ASB2: variants seen among roughly 807,000 people sequenced by gnomAD.
ASB2 encodes ankyrin repeat and SOCS box containing 2.
In ASB2, 58 loss-of-function variants were observed where a neutral mutation model predicts 62.4. That is an observed-to-expected ratio of 0.93 (90% CI 0.75 to 1.16). The LOEUF is 1.16. Among genes scored for constraint, ASB2 ranks in the 50% most tolerant of loss-of-function variants. ASB2 has a pLI of 0.00. For missense variants in ASB2, 928 were observed against 887.9 expected (o/e 1.05, Z -0.57); for synonymous variants, 386 against 385.3 (o/e 1.00, Z -0.02).
At chr14:93,948,629 G>C (rs533419292) in intron 6 of ASB2, among the ~76,000 whole-genome samples, 1 of 152,002 alleles carries the variant, frequency 6.6e-6, no homozygotes, top group Non-Finnish European at 1.5e-5. Flanking sequence ...ATTACTTTCT[G>C]TCTCCTCCCA....
At chr14:93,943,126 A>G (rs1044850890) in intron 7 of ASB2, among the ~76,000 whole-genome samples, 2 of 152,218 alleles carry the variant, frequency 1.3e-5, no homozygotes, top group Non-Finnish European at 2.9e-5. Flanking sequence ...CCCCAGGTCC[A>G]GGTTACAAAG....
chr14:93,954,499 G>T lies in ASB2; in HGVS notation c.312-16C>A. 1 of 1,613,646 alleles carries T rather than the reference G, an allele frequency of 6.2e-7. No individual in the cohort carries two copies. The highest frequency in any genetic ancestry group is 8.5e-7 in the Non-Finnish European group (1 of 1,179,650). On this transcript the variant is annotated splice_polypyrimidine_tract_variant and intron_variant, in intron 3 of 9. Coordinates refer to ENST00000555019, the MANE Select transcript of ASB2 (RefSeq NM_001202429.2). ...GTCCGCAGGCCTGTGAGAGGAAGGAGTGGGTCAGTCCTCAAGGTCAGGCCA... is the reference window on the plus strand; with the variant it reads ...GTCCGCAGGCCTGTGAGAGGAAGGATTGGGTCAGTCCTCAAGGTCAGGCCA...
At chr14:93,957,759 C>T (rs921501048) in intron 2 of ASB2, among the ~76,000 whole-genome samples, 10 of 152,122 alleles carry the variant, frequency 6.6e-5, no homozygotes, top group Admixed American at 6.5e-5. Flanking sequence ...GTGGAAGAGC[C>T]GGAAGGAGGT....
Position 93,947,480 on chromosome 14 carries a change from G to T in ASB2, c.921C>A (p.Ala307=), listed in dbSNP as rs943904802. 1 of 1,614,212 alleles carries T rather than the reference G, an allele frequency of 6.2e-7. No individual in the cohort carries two copies. Among genetic ancestry groups the T allele is most frequent in the Admixed American group, 1.7e-5 (1 of 60,036 alleles). Residue 307 remains alanine, a synonymous_variant, in exon 7 of 10, where the codon GCC becomes GCA. Coordinates refer to ENST00000555019, the MANE Select transcript of ASB2 (RefSeq NM_001202429.2). ...GCTCATTCTTGCAGGCCTCGTAGAGGGCAGACGCGTTGTCGCTGGCCTGCG... is the reference window on the plus strand; with the variant it reads ...GCTCATTCTTGCAGGCCTCGTAGAGTGCAGACGCGTTGTCGCTGGCCTGCG... The part of the protein sequence containing the change: ...INTQASDNAS[A]LYEACKNEHE...
intron 3 of ASB2, 139 bp downstream of exon 3, chr14:93,956,627 T>C: frequency 8.6e-7 from 1 of 1,167,234 alleles, no homozygotes; most frequent in Non-Finnish European, 1.2e-6. Flanking sequence ...GGGGCACCCC[T>C]AGAAGGAGCG....
Position 93,937,852 on chromosome 14 carries a change from C to G in ASB2, c.1618-1G>C. 2 of 1,594,792 alleles carry G rather than the reference C, an allele frequency of 1.3e-6. No homozygotes were observed. Among genetic ancestry groups the G allele is most frequent in the South Asian group, 2.2e-5 (2 of 90,380 alleles). On this transcript the variant is annotated splice_acceptor_variant, in intron 8 of 9. Coordinates refer to ENST00000555019, the MANE Select transcript of ASB2 (RefSeq NM_001202429.2). LOFTEE classifies it high-confidence loss of function. ...CTGGGGCAGATACGAACTCACAGAA[C>G]TGAAAGAGAACATGCCGGGACCAAG...
intron 9 of ASB2, 82 bp from the exon 10 acceptor site, chr14:93,934,874 G>T: frequency 3.3e-6 from 4 of 1,198,706 alleles, no homozygotes; most frequent in Non-Finnish European, 5.0e-6. Flanking sequence ...CAGCCTATGG[G>T]AGGTGCCCAG....
At chr14:93,958,924 C>T (rs746121951) in intron 2 of ASB2, among the ~76,000 whole-genome samples, 7 of 152,232 alleles carry the variant, frequency 4.6e-5, no homozygotes, top group Non-Finnish European at 7.3e-5. Flanking sequence ...ACCATCTAAA[C>T]GAGGACCTGT....
At chr14:93,971,124 G>C (rs934064353) in intron 1 of ASB2, among the ~76,000 whole-genome samples, 6 of 152,214 alleles carry the variant, frequency 3.9e-5, no homozygotes, top group African/African-American at 1.4e-4. Flanking sequence ...CATTTAACAA[G>C]ATTGAGAGTG....
intron 1 of ASB2, among the ~76,000 whole-genome samples, 185 bp downstream of exon 1, chr14:93,976,243 AGTCTCT>A (rs1160835033): frequency 6.6e-6 from 1 of 152,226 alleles, no homozygotes; most frequent in African/African-American, 2.4e-5. Flanking sequence ...CAAATTGCTG[AGTCTCT>A]GTTCATTGCA....
intron 5 of ASB2, among the ~76,000 whole-genome samples, chr14:93,952,795 A>G (rs1467614599): frequency 6.6e-6 from 1 of 152,218 alleles, no homozygotes; most frequent in Non-Finnish European, 1.5e-5. Flanking sequence ...CACTCAATCA[A>G]TGCTAGCTAT....
At chr14:93,958,148 TC>T (rs879324265) in intron 2 of ASB2, among the ~76,000 whole-genome samples, 5 of 152,330 alleles carry the variant, frequency 3.3e-5, no homozygotes, top group Admixed American at 3.3e-4. Flanking sequence ...GCTGCCTTCC[TC>T]ATCCTCGCCG....
intron 1 of ASB2, among the ~76,000 whole-genome samples, chr14:93,973,336 AG>A (rs1160219948): frequency 1.3e-5 from 2 of 152,196 alleles, no homozygotes; most frequent in Non-Finnish European, 2.9e-5. Flanking sequence ...CCTAACGAAA[AG>A]TCTTGGTAAT....
chr14:93,938,296 G>A (rs1888353177), intron 8 of ASB2, among the ~76,000 whole-genome samples: 1 of 136,666 alleles, frequency 7.3e-6, no homozygotes, highest in East Asian at 2.2e-4. Context: ...CTGGAGTGCA[G>A]TGGCGCGATC....
chr14:93,961,567 A>T (rs1041900407), intron 2 of ASB2, among the ~76,000 whole-genome samples: 1 of 152,216 alleles, frequency 6.6e-6, no homozygotes, highest in African/African-American at 2.4e-5. Context: ...CTGGCCCGGG[A>T]GAGTGGTCAG....
Position 93,939,129 on chromosome 14 carries a change from G to T in ASB2, c.1596C>A (p.Asp532Glu). Residue 532 changes from aspartate (D) to glutamate (E), a missense_variant, in exon 8 of 10, where the codon GAC becomes GAA. Physicochemically the swap from Asp to Glu is conservative, Grantham distance 45 (BLOSUM62 2). Transcript: ENST00000555019. ...SSRFNDAPAA[D>E]KEPSVVQFCE... is the part of the protein sequence containing the mutation. ...CCACCTGCACCACGCTGGGCTCCTT[G>T]TCGGCCGCGGGCGCGTCGTTGAACC... 3.3e-6 allele frequency: 5 copies of T among 1,533,476 alleles called. No homozygotes were observed. The highest frequency in any genetic ancestry group is 4.4e-6 in the Non-Finnish European group (5 of 1,136,262). The allele number at this position is 1,533,476 out of a possible 1,614,324, so 95.0% of individuals were successfully genotyped here. A position where few individuals can be genotyped will look rare whatever the true frequency, so the allele number is the denominator to read the frequency against.
At chr14:93,947,571 G>T in intron 6 of ASB2, 51 bp from the exon 7 acceptor site, 1 of 1,594,170 alleles carries the variant, frequency 6.3e-7, no homozygotes. Context: ...GGAAGTTGCT[G>T]TCCTCAATGT....
At position 93,953,253 on chromosome 14, in the gene ASB2, C is replaced by A. The variant is rs566345614; in HGVS notation, c.634+99G>T. On this transcript the variant is annotated intron_variant, in intron 5 of 9. Coordinates refer to ENST00000555019, the MANE Select transcript of ASB2 (RefSeq NM_001202429.2). ...TAAATTGTGCATTTGAGCAGGGCCACGTTGGGGGTTATGCACTTAACGGGA... is the reference window on the plus strand; with the variant it reads ...TAAATTGTGCATTTGAGCAGGGCCAAGTTGGGGGTTATGCACTTAACGGGA... 3.7e-6 allele frequency: 4 copies of A among 1,086,568 alleles called. No individual in the cohort carries two copies. The African/African-American group carries it at 6.4e-5, about 17-fold the overall frequency. 67.3% of individuals were successfully genotyped at this position (1,086,568 alleles called of 1,614,324 possible).
chr14:93,935,832 G>A (rs1159611357), intron 9 of ASB2, among the ~76,000 whole-genome samples: 1 of 152,142 alleles, frequency 6.6e-6, no homozygotes, highest in Non-Finnish European at 1.5e-5. Context: ...CACATAGTAC[G>A]CCAAAGAGCA....
Sources: gnomAD v4.1 joint callset for allele counts (sites outside exome capture counted in the v4.1 genomes callset) on GRCh38, gnomAD v4.1.1 for gene constraint, MANE v1.5 for transcripts, NCBI Gene and HGNC (gene_info 2026-07-23, HGNC 2026-07-21) for gene names.